The following OPHN1 variants were observed in gnomAD, a reference collection of about 807,000 sequenced individuals.
OPHN1 encodes oligophrenin 1.
In OPHN1, 11 loss-of-function variants were observed where a neutral mutation model predicts 60.7. The observed-to-expected ratio is 0.18, with a 90% CI of 0.11 to 0.30. The LOEUF (loss-of-function observed/expected upper bound fraction) is 0.30. OPHN1 is among the 10% of genes least tolerant of loss of function. OPHN1 has a pLI of 1.00. For missense variants in OPHN1, 449 were observed against 611.0 expected (o/e 0.73, Z 2.80); for synonymous variants, 226 against 222.6 (o/e 1.02, Z -0.14).
At chrX:68,210,360 T>C in intron 8 of OPHN1, 78 bp from the exon 9 acceptor site, 2 of 1,040,903 alleles carry the variant, frequency 1.9e-6, no homozygotes, top group South Asian at 4.1e-5. Context: ...AGAGACTCAG[T>C]ACAAAGTTTT....
At chrX:68,379,685 A>G (rs915195992) in intron 2 of OPHN1, among the ~76,000 whole-genome samples, 1 of 110,254 alleles carries the variant, frequency 9.1e-6, no homozygotes, top group African/African-American at 3.3e-5. Flanking sequence ...CTATTGAGAT[A>G]ATCATGTGTT....
At chrX:68,099,320 A>G (rs1468612419) in intron 18 of OPHN1, among the ~76,000 whole-genome samples, 2 of 111,963 alleles carry the variant, frequency 1.8e-5, no homozygotes, top group African/African-American at 3.2e-5. Context: ...TGAACTCTCT[A>G]GTCCACTGAG....
At chrX:68,268,275 G>A (rs180776226) in intron 5 of OPHN1, among the ~76,000 whole-genome samples, 35 of 111,544 alleles carry the variant, frequency 3.1e-4, no homozygotes, top group African/African-American at 1.1e-3. Context: ...AAGCCAGGCA[G>A]AGACACAACA....
intron 2 of OPHN1, among the ~76,000 whole-genome samples, chrX:68,312,392 C>T (rs898634523): frequency 1.8e-5 from 2 of 108,238 alleles, no homozygotes; most frequent in Non-Finnish European, 3.8e-5. Context: ...CCTGTGCTCC[C>T]GGCCAATAAC....
intron 6 of OPHN1, among the ~76,000 whole-genome samples, chrX:68,218,617 C>A (rs1193997099): frequency 9.2e-6 from 1 of 109,066 alleles, no homozygotes; most frequent in African/African-American, 3.3e-5. Flanking sequence ...AGAGTGGGGG[C>A]CAATATTCAA....
At chrX:68,404,383 C>G (rs2078730914) in intron 2 of OPHN1, among the ~76,000 whole-genome samples, 1 of 111,117 alleles carries the variant, frequency 9.0e-6, no homozygotes, top group African/African-American at 3.3e-5. Flanking sequence ...TGGTCTCCAT[C>G]TCTTGACCTC....
At chrX:68,206,776 A>T (rs2077561339) in intron 9 of OPHN1, 103 bp from the exon 10 acceptor site, 5 of 639,919 alleles carry the variant, frequency 7.8e-6, no homozygotes. Flanking sequence ...TCAGAGTCAA[A>T]CTTCAGATCC....
At chrX:68,151,432 C>A (rs1217309216) in intron 15 of OPHN1, among the ~76,000 whole-genome samples, 1 of 111,967 alleles carries the variant, frequency 8.9e-6, no homozygotes, top group African/African-American at 3.3e-5. Flanking sequence ...CATCCTCCAA[C>A]AAACCATCAT....
At chrX:68,420,149 T>A (rs1434443073) in intron 2 of OPHN1, among the ~76,000 whole-genome samples, 2 of 111,780 alleles carry the variant, frequency 1.8e-5, no homozygotes, top group Admixed American at 9.6e-5. Context: ...CCTATGGGTA[T>A]GTGTACAGAC....
At chrX:68,230,123 C>T (rs1024778168) in intron 6 of OPHN1, among the ~76,000 whole-genome samples, 5 of 112,020 alleles carry the variant, frequency 4.5e-5, no homozygotes, top group Admixed American at 2.8e-4. Flanking sequence ...AGATGCTTCT[C>T]AAAAGAAGAC....
intron 15 of OPHN1, among the ~76,000 whole-genome samples, chrX:68,182,059 G>C (rs188963368): frequency 9.0e-6 from 1 of 110,887 alleles, no homozygotes. Context: ...AGGATCTCCC[G>C]GACGACTGGT....
At chrX:68,079,672 C>T (rs2076967233) in intron 19 of OPHN1, among the ~76,000 whole-genome samples, 1 of 111,959 alleles carries the variant, frequency 8.9e-6, no homozygotes, top group Admixed American at 9.5e-5. Context: ...TACCAAGTTT[C>T]TCTACTGGTT....
chrX:68,223,310 G>C (rs950794789), intron 6 of OPHN1, among the ~76,000 whole-genome samples: 11 of 112,206 alleles, frequency 9.8e-5, no homozygotes, highest in African/African-American at 2.9e-4. Context: ...ACTGATTAGT[G>C]GATAAAGAAA....
At chrX:68,092,638 T>C (rs1003699848) in intron 19 of OPHN1, among the ~76,000 whole-genome samples, 18 of 111,407 alleles carry the variant, frequency 1.6e-4, no homozygotes, top group African/African-American at 5.9e-4. Flanking sequence ...CACTAGTTAA[T>C]AGAAATGGCC....
At chrX:68,311,518 C>T (rs760419208) in intron 2 of OPHN1, among the ~76,000 whole-genome samples, 1 of 111,183 alleles carries the variant, frequency 9.0e-6, no homozygotes, top group African/African-American at 3.3e-5. Flanking sequence ...CTGCAACCTC[C>T]GCCTCCTGGG....
At chrX:68,270,858 C>A (rs1201046328) in intron 5 of OPHN1, among the ~76,000 whole-genome samples, 1 of 111,561 alleles carries the variant, frequency 9.0e-6, no homozygotes, top group Non-Finnish European at 1.9e-5. Context: ...CTGTTTCCTG[C>A]AAAGTGAAAT....
chrX:68,377,926 A>G (rs2078569755), intron 2 of OPHN1, among the ~76,000 whole-genome samples: 1 of 111,489 alleles, frequency 9.0e-6, no homozygotes, highest in Admixed American at 9.6e-5. Context: ...CATGATTTAT[A>G]CTCCTTTGGG....
rs1175919760 is a variant in OPHN1, at chrX:68,064,156, G to T, written c.1856C>A (p.Pro619Gln). Residue 619 changes from proline (P) to glutamine (Q), a missense_variant, in exon 21 of 25, where the codon CCG (proline) becomes CAG (glutamine). By Grantham distance (76) the Pro-to-Gln change is moderately conservative. Transcript: ENST00000355520. ...ESEDEIQHQTPNGTITSSIEP... is the reference protein window; with the variant it reads ...ESEDEIQHQTQNGTITSSIEP... Reference sequence around the variant, plus strand: ...TATGCTGCTGGTGATAGTACCATTCGGTGTTTGATGTTGGATTTCATCTAG... The same window carrying T: ...TATGCTGCTGGTGATAGTACCATTCTGTGTTTGATGTTGGATTTCATCTAG... The T allele has an allele frequency of 2.5e-6, 3 of 1,211,024 alleles. No homozygotes were observed. The highest frequency in any genetic ancestry group is 3.4e-6 in the Non-Finnish European group (3 of 895,093).
intron 2 of OPHN1, among the ~76,000 whole-genome samples, chrX:68,360,582 G>A (rs921571057): frequency 2.7e-5 from 3 of 110,802 alleles, no homozygotes; most frequent in African/African-American, 9.9e-5. Flanking sequence ...TTGAGCTCAG[G>A]AGTTCAAGAC....
Sources: allele counts gnomAD v4.1 joint callset (sites outside exome capture counted in the v4.1 genomes callset), GRCh38; gene constraint gnomAD v4.1.1; transcripts MANE v1.5; gene names NCBI Gene and HGNC (gene_info 2026-07-23, HGNC 2026-07-21).